TMEM132D: variants seen among roughly 807,000 people sequenced by gnomAD.
TMEM132D encodes the protein transmembrane protein 132D.
A neutral mutation model predicts 62.3 loss-of-function variants in TMEM132D; 21 were observed. The observed-to-expected ratio is 0.34, with a 90% confidence interval of 0.24 to 0.49. TMEM132D has a LOEUF of 0.49. TMEM132D is among the 20% of genes least tolerant of loss of function. TMEM132D has a pLI of 0.99. For synonymous variants in TMEM132D, 621 were observed against 575.6 expected, an observed-to-expected ratio of 1.08 and a Z score of -1.13; for missense variants, 1,346 against 1,402.8, an observed-to-expected ratio of 0.96 and a Z score of 0.65.
At chr12:129,515,385 C>G (rs1875642817) in intron 3 of TMEM132D, among the ~76,000 whole-genome samples, 1 of 152,088 alleles carries the variant, frequency 6.6e-6, no homozygotes, top group South Asian at 2.1e-4. Flanking sequence ...AATGAATGAA[C>G]AAATTGGTAG....
chr12:129,851,235 A>T (rs1285894206), intron 1 of TMEM132D, among the ~76,000 whole-genome samples: 2 of 152,362 alleles, frequency 1.3e-5, no homozygotes, highest in Non-Finnish European at 1.5e-5. Flanking sequence ...GCACATGAAA[A>T]GCTACATTTT....
At position 129,903,374 on chromosome 12, in the gene TMEM132D, G is replaced by A. The variant is rs535386276; in HGVS notation, c.-35C>T. 2.6e-6 allele frequency: 4 copies of A among 1,548,184 alleles called. No individual in the cohort carries two copies. The highest frequency in any genetic ancestry group is 2.0e-5 in the Admixed American group (1 of 50,996). On this transcript the variant is annotated 5_prime_UTR_variant, in exon 1 of 9. Transcript: ENST00000422113. The surrounding 1 kb of genome is among the most constrained non-coding windows in gnomAD (Gnocchi z 6.2). ...CCGGAGCGCAGATCCTCCGCTCCCCGGCGCCGTCCAGGCGAACAAGAGACC... is the reference window on the plus strand; with the variant it reads ...CCGGAGCGCAGATCCTCCGCTCCCCAGCGCCGTCCAGGCGAACAAGAGACC...
chr12:129,388,756 A>G (rs1376696793), intron 3 of TMEM132D, among the ~76,000 whole-genome samples: 2 of 127,188 alleles, frequency 1.6e-5, no homozygotes, highest in Non-Finnish European at 3.6e-5. Flanking sequence ...AGCAACACCA[A>G]TACTAACACC....
chr12:129,624,045 T>C (rs541596522), intron 2 of TMEM132D, among the ~76,000 whole-genome samples: 1 of 152,294 alleles, frequency 6.6e-6, no homozygotes, highest in Non-Finnish European at 1.5e-5. Context: ...AAATCAAATA[T>C]TTGGTTGAAT....
At chr12:129,605,604 T>TATATATATATATATATACAC (rs150550863) in intron 2 of TMEM132D, among the ~76,000 whole-genome samples, 39 of 106,272 alleles carry the variant, frequency 3.7e-4, no homozygotes, top group African/African-American at 1.5e-3. Context: ...TATATATATA[T>TATATATATATATATATACAC]ACACACACAT....
At chr12:129,086,199 C>T (rs200960111) in intron 5 of TMEM132D, among the ~76,000 whole-genome samples, 3,631 of 116,166 alleles carry the variant, frequency 0.031, 50 homozygotes, top group African/African-American at 0.039. Context: ...GTCACGCGCG[C>T]GCGTGTGTGT....
intron 4 of TMEM132D, among the ~76,000 whole-genome samples, chr12:129,300,104 T>C (rs1881674339): frequency 6.6e-6 from 1 of 152,242 alleles, no homozygotes; most frequent in African/African-American, 2.4e-5. Flanking sequence ...GAATGGTGGC[T>C]GTTCTAATGT....
At chr12:129,669,170 T>A (rs1880444067) in intron 2 of TMEM132D, among the ~76,000 whole-genome samples, 1 of 152,220 alleles carries the variant, frequency 6.6e-6, no homozygotes, top group Non-Finnish European at 1.5e-5. Context: ...ACATTTTATG[T>A]AAATAATCAG....
At chr12:129,155,015 G>A (rs576304752) in intron 5 of TMEM132D, among the ~76,000 whole-genome samples, 4 of 152,220 alleles carry the variant, frequency 2.6e-5, no homozygotes, top group Non-Finnish European at 4.4e-5. Flanking sequence ...AGAACAGAAC[G>A]TGAAGTCAGC....
intron 2 of TMEM132D, among the ~76,000 whole-genome samples, chr12:129,602,913 T>C (rs1253122906): frequency 6.6e-6 from 1 of 152,140 alleles, no homozygotes; most frequent in Admixed American, 6.5e-5. Flanking sequence ...GGAGAGGTGC[T>C]GAGCAAAAGG....
At chr12:129,729,147 CCA>C (rs776362844) in intron 1 of TMEM132D, among the ~76,000 whole-genome samples, 1 of 152,166 alleles carries the variant, frequency 6.6e-6, no homozygotes, top group African/African-American at 2.4e-5. Context: ...CACTAATTTG[CCA>C]CAGTCTCTAC....
At chr12:129,703,075 A>T (rs1881421556) in intron 1 of TMEM132D, among the ~76,000 whole-genome samples, 1 of 152,218 alleles carries the variant, frequency 6.6e-6, no homozygotes, top group African/African-American at 2.4e-5. Flanking sequence ...CACCACTCAG[A>T]ACAAGTACCT....
chr12:129,137,584 C>A (rs1302791696), intron 5 of TMEM132D, among the ~76,000 whole-genome samples: 1 of 152,094 alleles, frequency 6.6e-6, no homozygotes, highest in African/African-American at 2.4e-5. Context: ...TTCTATAATC[C>A]CTTACAGGTG....
At chr12:129,471,475 C>T (rs1305229091) in intron 3 of TMEM132D, among the ~76,000 whole-genome samples, 1 of 152,124 alleles carries the variant, frequency 6.6e-6, no homozygotes, top group Non-Finnish European at 1.5e-5. Context: ...CTGCCTGCTC[C>T]ACCAACCAGC....
chr12:129,088,505 A>G (rs371157413), intron 5 of TMEM132D, among the ~76,000 whole-genome samples: 7 of 13,592 alleles, frequency 5.2e-4, no homozygotes, highest in Admixed American at 1.1e-3. Flanking sequence ...CATGACCGGG[A>G]TGTCCTCCAT....
At chr12:129,795,649 C>T (rs1871541280) in intron 1 of TMEM132D, among the ~76,000 whole-genome samples, 1 of 152,146 alleles carries the variant, frequency 6.6e-6, no homozygotes. Context: ...GGGAAAGTGT[C>T]AGTCTACTCC....
chr12:129,580,739 A>AATCAATC (rs1565911083), intron 2 of TMEM132D, among the ~76,000 whole-genome samples: 57 of 151,432 alleles, frequency 3.8e-4, no homozygotes, highest in African/African-American at 1.4e-3. Context: ...AAAAATAAAT[A>AATCAATC]AATAAATAAA....
intron 5 of TMEM132D, among the ~76,000 whole-genome samples, chr12:129,188,779 GAGAGAGAGAGAGAGAGAGAGAA>G (rs1878299309): frequency 1.4e-5 from 2 of 138,318 alleles, no homozygotes; most frequent in African/African-American, 5.1e-5. Context: ...GAGAGAGAGA[GAGAGAGAGAGAGAGAGAGAGAA>G]AGAGAGAGAT....
At chr12:129,372,691 TATGAGAATCTA>T (rs1870651772) in intron 3 of TMEM132D, among the ~76,000 whole-genome samples, 2 of 151,880 alleles carry the variant, frequency 1.3e-5, no homozygotes, top group South Asian at 4.2e-4. Context: ...GTGTGCTCCT[TATGAGAATCTA>T]ATGCCTGATG....
Sources: allele counts gnomAD v4.1 joint callset (sites outside exome capture counted in the v4.1 genomes callset), GRCh38; gene constraint gnomAD v4.1.1; non-coding constraint Gnocchi (gnomAD v3.1); transcripts MANE v1.5; gene names NCBI Gene and HGNC (gene_info 2026-07-23, HGNC 2026-07-21).